The following LILRA5 variants were observed in gnomAD, a reference collection of about 807,000 sequenced individuals.
LILRA5 encodes leukocyte immunoglobulin-like receptor subfamily A member 5.
A neutral mutation model predicts 36.3 loss-of-function variants in LILRA5; 31 were observed. The observed-to-expected ratio is 0.85, with a 90% CI of 0.64 to 1.15. The LOEUF (loss-of-function observed/expected upper bound fraction) is 1.15, where lower values mean the gene tolerates loss of function less well. Ranked by LOEUF, LILRA5 falls within the 50% of genes most tolerant of loss-of-function variation. The pLI, the probability that LILRA5 is intolerant of heterozygous loss-of-function variation, is 0.00. For synonymous variants in LILRA5, 144 were observed against 144.8 expected, an observed-to-expected ratio of 0.99 and a Z score of 0.04; for missense variants, 348 against 377.4, an observed-to-expected ratio of 0.92 and a Z score of 0.64.
At chr19:54,310,902 G>A (rs2080995788) in intron 5 of LILRA5, 2 of 245,038 alleles carry the variant, frequency 8.2e-6, no homozygotes, top group Non-Finnish European at 8.5e-6. Flanking sequence ...GACTGCAGGG[G>A]CTGGTTCCTC....
Position 54,312,568 on chromosome 19 carries a change from C to T in LILRA5, c.57G>A (p.Val19=). The T allele has an allele frequency of 6.2e-7, 1 of 1,614,202 alleles. No individual in the cohort carries two copies. Among genetic ancestry groups the T allele is most frequent in the Admixed American group, 1.7e-5 (1 of 60,038 alleles). Residue 19 remains valine, a synonymous_variant, in exon 2 of 7, where the codon GTG becomes GTA. Transcript: ENST00000432233. ...AGAGCAGAACCATGAGGGCAGGGCT[C>T]ACGGCGTCTCCTCCCACTGGCTGCA... ...AQLQPVGGDA[V]SPALMVLLCL...
intron 5 of LILRA5, chr19:54,310,720 G>A: frequency 3.0e-6 from 1 of 328,276 alleles, no homozygotes; most frequent in Non-Finnish European, 6.3e-6. Context: ...CCAGCCTGGG[G>A]CTGCCGGCCA....
rs1477856695 is a variant in LILRA5, at chr19:54,307,339, T to C, written c.*74A>G. 1.3e-6 allele frequency: 2 copies of C among 1,484,606 alleles called. No individual in the cohort carries two copies. The highest frequency in any genetic ancestry group is 1.8e-6 in the Non-Finnish European group (2 of 1,111,116). The allele number at this position is 1,484,606 out of a possible 1,614,324, so 92.0% of individuals were successfully genotyped here. On this transcript the variant is annotated 3_prime_UTR_variant, in exon 7 of 7. Transcript: ENST00000432233. Reference sequence around the variant, plus strand: ...AGATGGCATAGGCCTCAGATGGTCTTCCCGAACCTCCTAGGACCATCAGAT... The same window carrying C: ...AGATGGCATAGGCCTCAGATGGTCTCCCCGAACCTCCTAGGACCATCAGAT...
At chr19:54,310,110 A>G in intron 5 of LILRA5, 1 of 191,086 alleles carries the variant, frequency 5.2e-6, no homozygotes, top group Non-Finnish European at 1.1e-5. Context: ...GGGACCCCGC[A>G]GGTGTGGGTG....
At chr19:54,308,408 T>C (rs1456538636) in intron 5 of LILRA5, 3 of 108,254 alleles carry the variant, frequency 2.8e-5, no homozygotes, top group Non-Finnish European at 5.6e-5. Flanking sequence ...TATATATATA[T>C]GGTGTTACAG....
At chr19:54,308,337 A>G (rs4990477) in intron 5 of LILRA5, 49,564 of 78,576 alleles carry the variant, frequency 0.63, 14,672 homozygotes, top group Middle Eastern at 0.75. Context: ...GTGTGTGTGT[A>G]TATATATGTA....
Position 54,307,200 on chromosome 19 carries a change from C to A in LILRA5, c.*213G>T. On this transcript the variant is annotated 3_prime_UTR_variant, in exon 7 of 7. Coordinates refer to ENST00000432233, the MANE Select transcript of LILRA5 (RefSeq NM_021250.4). ...CGGAGGTTGCAGTGAGCCCAGATTG[C>A]GCCACTGCATTCCAGCCTGGTGACA... 1 of 361,004 alleles carries A rather than the reference C, an allele frequency of 2.8e-6. No individual in the cohort carries two copies. Among genetic ancestry groups the A allele is most frequent in the East Asian group, 5.2e-5 (1 of 19,246 alleles). The allele number at this position is 361,004 out of a possible 1,614,324, so 22.4% of individuals were successfully genotyped here. A position where few individuals can be genotyped will look rare whatever the true frequency, so the allele number is the denominator to read the frequency against.
At chr19:54,308,333 GTGTATATATATGTATATATAAATATATA>G (rs2080925158) in intron 5 of LILRA5, 1 of 35,874 alleles carries the variant, frequency 2.8e-5, no homozygotes, top group African/African-American at 2.4e-4. Context: ...GTGTGTGTGT[GTGTATATATATGTATATATAAATATATA>G]TATATATATA....
chr19:54,312,242 C>A, intron 3 of LILRA5, 93 bp downstream of exon 3: 1 of 1,613,144 alleles, frequency 6.2e-7, no homozygotes, highest in South Asian at 1.1e-5. Flanking sequence ...CCATCAATCA[C>A]CCAGAACTGC....
rs544679258 is a variant in LILRA5, at chr19:54,311,146, G to A, written c.712+268C>T. 6.9e-5 allele frequency: 49 copies of A among 711,060 alleles called. No individual in the cohort carries two copies. In the South Asian group the frequency reaches 8.8e-4, roughly 13 times the overall value. 44.0% of individuals were successfully genotyped at this position (711,060 alleles called of 1,614,324 possible). On this transcript the variant is annotated intron_variant, in intron 5 of 6. Coordinates refer to ENST00000432233, the MANE Select transcript of LILRA5 (RefSeq NM_021250.4). ...AATTTTTGTATTTTTAGTAGAAATG[G>A]GGTTTCACCATGTTGGCCAGGCTGG...
At chr19:54,308,390 T>TATAC (rs2080939303) in intron 5 of LILRA5, 10 of 77,882 alleles carry the variant, frequency 1.3e-4, no homozygotes, top group Admixed American at 2.9e-4. Flanking sequence ...TATATATATA[T>TATAC]ATATATATAT....
At position 54,311,627 on chromosome 19, in the gene LILRA5, T is replaced by G. The variant is rs533995101; in HGVS notation, c.499A>C (p.Arg167=). The G allele has an allele frequency of 1.2e-6, 2 of 1,614,136 alleles. No individual in the cohort carries two copies. Among genetic ancestry groups the G allele is most frequent in the Middle Eastern group, 1.6e-4 (1 of 6,062 alleles). ...NVTLQCGSRL[R]FDRFILTEEG... is the part of the protein sequence containing the mutation. ...TCAGTCAGAATGAACCTGTCGAATC[T>G]CAGCCGTGAGCCACACTGGAGGGTC... Residue 167 remains arginine (R), a synonymous_variant, in exon 5 of 7, where the codon AGA becomes CGA. Coordinates refer to ENST00000432233, the MANE Select transcript of LILRA5 (RefSeq NM_021250.4).
rs1198624905 is a variant in LILRA5 at position 54,312,024 on chromosome 19, G to C, written c.249C>G (p.Ser83Arg). Residue 83 changes from serine to arginine, a missense_variant, in exon 4 of 7, where the codon AGC becomes AGG. Transcript: ENST00000432233. ...GGTTCTGTGTGTCCCAGGGTTCTGGGCTTCCCTCTTTAACCAGACGGTATT... is the reference window on the plus strand; with the variant it reads ...GGTTCTGTGTGTCCCAGGGTTCTGGCCTTCCCTCTTTAACCAGACGGTATT... ...AQEYRLVKEG[S>R]PEPWDTQNPL... 6.2e-7 allele frequency: 1 copy of C among 1,614,178 alleles called. No homozygotes were observed. The highest frequency in any genetic ancestry group is 8.5e-7 in the Non-Finnish European group (1 of 1,180,018).
chr19:54,312,512 C>T, intron 2 of LILRA5, 25 bp downstream of exon 2: 1 of 1,614,136 alleles, frequency 6.2e-7, no homozygotes, highest in Non-Finnish European at 8.5e-7. Flanking sequence ...CTAGGGTGCC[C>T]CTTCCCTGAG....
At chr19:54,311,342 C>T in intron 5 of LILRA5, 72 bp downstream of exon 5, 1 of 1,613,606 alleles carries the variant, frequency 6.2e-7, no homozygotes, top group Non-Finnish European at 8.5e-7. Context: ...CAGGGGCTGC[C>T]CTGCCTGTAA....
At chr19:54,307,802 C>T in intron 5 of LILRA5, 54 bp from the exon 6 acceptor site, 1 of 1,458,194 alleles carries the variant, frequency 6.9e-7, no homozygotes, top group Non-Finnish European at 9.6e-7. Flanking sequence ...CAATCTGAGC[C>T]CAGCCTCTCC....
Position 54,311,524 on chromosome 19 carries a change from A to C in LILRA5, c.602T>G (p.Val201Gly). The change falls in exon 5 of 7, where the codon GTG becomes GGG. Residue 201 changes from valine (V) to glycine (G), a missense_variant. Coordinates refer to ENST00000432233, the MANE Select transcript of LILRA5 (RefSeq NM_021250.4). ...PSGQFQALFP[V>G]GPVTPSHRWM... Reference sequence around the variant, plus strand: ...CCTGTGGCTGGGGGTCACAGGGCCCACAGGGAACAGGGCCTGGAACTGCCC... The same window carrying C: ...CCTGTGGCTGGGGGTCACAGGGCCCCCAGGGAACAGGGCCTGGAACTGCCC... 6.2e-7 allele frequency: 1 copy of C among 1,614,158 alleles called. No homozygotes were observed. The highest frequency in any genetic ancestry group is 8.5e-7 in the Non-Finnish European group (1 of 1,180,026).
At chr19:54,312,855 C>T in intron 1 of LILRA5, 162 bp downstream of exon 1, 4 of 927,530 alleles carry the variant, frequency 4.3e-6, no homozygotes, top group Non-Finnish European at 6.7e-6. Flanking sequence ...CCTGATTTAT[C>T]TTTATCTCAC....
chr19:54,307,582 C>T, intron 6 of LILRA5, 33 bp from the exon 7 acceptor site: 2 of 1,613,688 alleles, frequency 1.2e-6, no homozygotes, highest in South Asian at 1.1e-5. Flanking sequence ...TCACAGAGGT[C>T]AGGGCAGATC....
Sources: allele counts gnomAD v4.1 joint callset, GRCh38; gene constraint gnomAD v4.1.1; transcripts MANE v1.5; gene names NCBI Gene and HGNC (gene_info 2026-07-23, HGNC 2026-07-21).